The following PLEKHA4 variants were observed in gnomAD, a reference collection of about 807,000 sequenced individuals.
The protein encoded by PLEKHA4 is pleckstrin homology domain containing A4.
In PLEKHA4, 73 loss-of-function variants were observed where a neutral mutation model predicts 94.7. The ratio of observed to expected loss-of-function variants is 0.77; its 90% CI spans 0.64 to 0.94. PLEKHA4 has a LOEUF of 0.94. Ranked by LOEUF, PLEKHA4 falls within the 40% of genes least tolerant of loss-of-function variation. The pLI is 0.00. For synonymous variants in PLEKHA4, 449 were observed against 437.1 expected (o/e 1.03, Z -0.34); for missense variants, 1,049 against 1,054.1 (o/e 1.00, Z 0.07).
rs368831078 is a variant in PLEKHA4 at position 48,865,121 on chromosome 19, A to C, written c.192+382T>G. ...CATTTTAGGGAGCCGAGGCGGGTGG[A>C]TCACTTGAGGTCGGGAGTTTCAGAC... On this transcript the variant is annotated intron_variant, in intron 3 of 19. Transcript: ENST00000263265. Among the ~76,000 whole-genome samples, 22 of 152,170 alleles carry C rather than the reference A, an allele frequency of 1.4e-4. 1 individual carries two copies. The South Asian group carries it at 2.3e-3, about 16-fold the overall frequency.
intron 2 of PLEKHA4, 67 bp from the exon 3 acceptor site, chr19:48,865,677 G>A: frequency 8.9e-7 from 1 of 1,122,988 alleles, no homozygotes; most frequent in Admixed American, 2.0e-5. Flanking sequence ...GGGTGAGGGT[G>A]GACACAGGCA....
intron 13 of PLEKHA4, among the ~76,000 whole-genome samples, chr19:48,849,195 T>A (rs1349981144): frequency 6.6e-6 from 1 of 151,228 alleles, no homozygotes; most frequent in African/African-American, 2.4e-5. Context: ...TGTGAGCCAC[T>A]GCAGCTGGCA....
chr19:48,848,675 T>C (rs2036067473), intron 13 of PLEKHA4, among the ~76,000 whole-genome samples: 2 of 150,710 alleles, frequency 1.3e-5, no homozygotes, highest in Admixed American at 1.3e-4. Flanking sequence ...TGCATGCCTG[T>C]GATCCCAGCC....
intron 6 of PLEKHA4, chr19:48,859,896 A>G (rs969843116): frequency 7.1e-5 from 43 of 605,938 alleles, no homozygotes; most frequent in Non-Finnish European, 1.2e-4. Flanking sequence ...TGCTGGACCC[A>G]ATGCCCCGGA....
rs574560634 is a variant in PLEKHA4 at position 48,861,434 on chromosome 19, C to T, written c.333G>A (p.Pro111=). The T allele has an allele frequency of 1.5e-5, 24 of 1,613,956 alleles. No homozygotes were observed. In the South Asian group the frequency reaches 2.2e-4, roughly 15 times the overall value. Residue 111 remains proline, a synonymous_variant, in exon 5 of 20, where the codon CCG becomes CCA. Transcript: ENST00000263265. The part of the protein sequence containing the change: ...LPSYNIRPDG[P]GAPRGRRFTF... ...TGAAGCGCCGCCCTCGGGGGGCTCCCGGCCCATCTGGTCTAATATTGTAGC... is the reference window on the plus strand; with the variant it reads ...TGAAGCGCCGCCCTCGGGGGGCTCCTGGCCCATCTGGTCTAATATTGTAGC...
At chr19:48,859,223 CAT>C (rs1218899833) in intron 7 of PLEKHA4, 84 bp from the exon 8 acceptor site, 5 of 1,115,752 alleles carry the variant, frequency 4.5e-6, no homozygotes, top group African/African-American at 3.1e-5. Flanking sequence ...GCCTCAAGGA[CAT>C]GTCTCACTTC....
rs1599884072 is a variant in PLEKHA4 at position 48,848,783 on chromosome 19, C to T, written c.1426-743G>A. 3.4e-5 allele frequency among the ~76,000 whole-genome samples: 5 copies of T among 147,964 alleles called. No individual in the cohort carries two copies. In the South Asian group the frequency reaches 1.1e-3, roughly 32 times the overall value. On this transcript the variant is annotated intron_variant, in intron 13 of 19. Coordinates refer to ENST00000263265, the MANE Select transcript of PLEKHA4 (RefSeq NM_020904.3). ...CTGCACTCCAGCCTGTGCAACAGAGCGAGACACTGTCTCAAAAAAAAAAAA... is the reference window on the plus strand; with the variant it reads ...CTGCACTCCAGCCTGTGCAACAGAGTGAGACACTGTCTCAAAAAAAAAAAA...
Position 48,857,503 on chromosome 19 carries a change from G to T in PLEKHA4, c.973-7C>A. On this transcript the variant is annotated splice_polypyrimidine_tract_variant and splice_region_variant and intron_variant, in intron 8 of 19. Transcript: ENST00000263265. The stretch of plus-strand genomic sequence containing the variant: ...TGGGGGAGCCAGAGTGTGCCTGGGA[G>T]GAACGTTGAAATGGAGATGTTTAGA... 6.5e-7 allele frequency: 1 copy of T among 1,538,936 alleles called. No homozygotes were observed. The highest frequency in any genetic ancestry group is 8.9e-7 in the Non-Finnish European group (1 of 1,127,458).
intron 16 of PLEKHA4, among the ~76,000 whole-genome samples, chr19:48,841,629 T>C (rs935349523): frequency 1.3e-5 from 2 of 148,852 alleles, no homozygotes; most frequent in Non-Finnish European, 3.0e-5. Flanking sequence ...CTGTCTCAAA[T>C]ATATATATAT....
intron 3 of PLEKHA4, among the ~76,000 whole-genome samples, chr19:48,864,546 C>A (rs1229260199): frequency 1.3e-5 from 2 of 151,986 alleles, no homozygotes; most frequent in African/African-American, 4.8e-5. Context: ...CACGTTCAAG[C>A]ACATCATATT....
At chr19:48,853,641 TG>T in intron 12 of PLEKHA4, 40 bp downstream of exon 12, 1 of 1,472,986 alleles carries the variant, frequency 6.8e-7, no homozygotes, top group Middle Eastern at 2.4e-4. Context: ...TGCATAGTCC[TG>T]GGGCCTCCTA....
At chr19:48,843,127 TGATAACAAGTAAGCACAAGAAATGC>T (rs527659274) in intron 16 of PLEKHA4, among the ~76,000 whole-genome samples, 4 of 152,322 alleles carry the variant, frequency 2.6e-5, no homozygotes, top group African/African-American at 9.6e-5. Flanking sequence ...TTTGTATCCA[TGATAACAAGTAAGCACAAGAAATGC>T]CTTCTTTTTT....
In PLEKHA4 at chr19:48,865,593, T is replaced by C. The variant is rs1308161738; in HGVS notation, c.102A>G (p.Val34=). Reference sequence around the variant, plus strand: ...TCTTCCCAAAGGCGTGGATCTTGTTTACTGCCCGGGTGGGCTTCTGAGGAG... The same window carrying C: ...TCTTCCCAAAGGCGTGGATCTTGTTCACTGCCCGGGTGGGCTTCTGAGGAG... ...SLSPKKPTRA[V]NKIHAFGKRG... Residue 34 remains valine (V), a synonymous_variant, in exon 3 of 20, where the codon GTA becomes GTG. Coordinates refer to ENST00000263265, the MANE Select transcript of PLEKHA4 (RefSeq NM_020904.3). The C allele has an allele frequency of 6.2e-7, 1 of 1,613,788 alleles. No homozygotes were observed. The highest frequency in any genetic ancestry group is 1.1e-5 in the South Asian group (1 of 91,062).
rs762130704 is a variant in PLEKHA4 at position 48,861,445 on chromosome 19, G to A, written c.322C>T (p.Pro108Ser). 1 of 1,614,132 alleles carries A rather than the reference G, an allele frequency of 6.2e-7. No homozygotes were observed. The highest frequency in any genetic ancestry group is 8.5e-7 in the Non-Finnish European group (1 of 1,180,032). The change falls in exon 5 of 20, where the codon CCA (proline) becomes TCA (serine). Residue 108 changes from proline to serine, a missense_variant. Pro to Ser is a moderately conservative substitution (Grantham distance 74). Transcript: ENST00000263265. ...CCTCGGGGGGCTCCCGGCCCATCTG[G>A]TCTAATATTGTAGCTGGGGAGCAGG... ...SVLLPSYNIRPDGPGAPRGRR... is the reference protein window; with the variant it reads ...SVLLPSYNIRSDGPGAPRGRR...
chr19:48,862,342 A>G (rs529217520), intron 3 of PLEKHA4, among the ~76,000 whole-genome samples: 107 of 151,166 alleles, frequency 7.1e-4, no homozygotes, highest in African/African-American at 2.5e-3. Context: ...CTGGGATTAC[A>G]GGCACGCACC....
chr19:48,853,908 G>A lies in PLEKHA4; in HGVS notation c.1177-77C>T, dbSNP rs147373765. 471 of 1,593,454 alleles carry A rather than the reference G, an allele frequency of 3.0e-4. 3 individuals are homozygous for A. The highest frequency in any genetic ancestry group is 2.5e-3 in the Middle Eastern group (15 of 5,944). On this transcript the variant is annotated intron_variant, in intron 11 of 19. Coordinates refer to ENST00000263265, the MANE Select transcript of PLEKHA4 (RefSeq NM_020904.3). ...GAAGAAAGAAAAGATGTCCTTTCAC[G>A]TCCTGGACGTCCAGTCAGCATCCTG...
intron 8 of PLEKHA4, among the ~76,000 whole-genome samples, 197 bp downstream of exon 8, chr19:48,858,663 C>A (rs2036518152): frequency 7.9e-6 from 1 of 126,854 alleles, no homozygotes; most frequent in South Asian, 2.3e-4. Flanking sequence ...CGAAGACCAG[C>A]CTAGAAAGAC....
At position 48,857,469 on chromosome 19, in the gene PLEKHA4, G is replaced by T; in HGVS notation, c.1000C>A (p.Gln334Lys). 1 of 1,565,962 alleles carries T rather than the reference G, an allele frequency of 6.4e-7. No individual in the cohort carries two copies. Among genetic ancestry groups the T allele is most frequent in the Non-Finnish European group, 8.6e-7 (1 of 1,158,692 alleles). Residue 334 changes from glutamine to lysine, a missense_variant, in exon 9 of 20, where the codon CAG (glutamine) becomes AAG (lysine). Physicochemically the swap from Gln to Lys is moderately conservative, Grantham distance 53. Transcript: ENST00000263265. ...QAHSGSPTYL[Q>K]LPPRPPGTRA... ...GTCCCAGGGGGCCGCGGGGGGAGCT[G>T]GAGATAAGTGGGGGAGCCAGAGTGT...
At chr19:48,843,485 CT>C (rs879702341) in intron 16 of PLEKHA4, among the ~76,000 whole-genome samples, 225 of 141,392 alleles carry the variant, frequency 1.6e-3, no homozygotes, top group Non-Finnish European at 1.5e-3. Flanking sequence ...GGTCTTTTTT[CT>C]TTTTTTTTTT....
Sources: allele counts gnomAD v4.1 joint callset (sites outside exome capture counted in the v4.1 genomes callset), GRCh38; gene constraint gnomAD v4.1.1; transcripts MANE v1.5; gene names NCBI Gene and HGNC (gene_info 2026-07-23, HGNC 2026-07-21).